Variants in ABCA13 observed in about 807,000 individuals in gnomAD.
ABCA13 encodes the protein ATP-binding cassette sub-family A member 13.
ABCA13 carries 476 observed loss-of-function variants against 478.7 expected under a neutral mutation model. The observed-to-expected ratio is 0.99, with a 90% confidence interval of 0.92 to 1.07. The LOEUF is 1.07. ABCA13 is among the 50% of genes least tolerant of loss of function. ABCA13 has a pLI of 0.00. For synonymous variants in ABCA13, 2,252 were observed against 2,158.9 expected (o/e 1.04, Z -1.20); for missense variants, 6,060 against 5,910.6 (o/e 1.03, Z -0.83).
At chr7:48,478,030 G>A (rs996357975) in intron 45 of ABCA13, among the ~76,000 whole-genome samples, 3 of 151,692 alleles carry the variant, frequency 2.0e-5, no homozygotes, top group African/African-American at 4.8e-5. Context: ...AGTATGGGGG[G>A]TGGTGAAGTG....
chr7:48,285,175 T>C (rs796795348), intron 19 of ABCA13, among the ~76,000 whole-genome samples: 3 of 152,040 alleles, frequency 2.0e-5, no homozygotes, highest in African/African-American at 7.2e-5. Flanking sequence ...GGTTTCAGAG[T>C]GAAGCAGTCA....
At chr7:48,453,191 A>G (rs1825252450) in intron 42 of ABCA13, among the ~76,000 whole-genome samples, 1 of 152,004 alleles carries the variant, frequency 6.6e-6, no homozygotes. Flanking sequence ...TCTTCTGGGA[A>G]GTTATAAAAA....
At chr7:48,344,521 T>C (rs1263103306) in intron 29 of ABCA13, among the ~76,000 whole-genome samples, 1 of 152,214 alleles carries the variant, frequency 6.6e-6, no homozygotes, top group African/African-American at 2.4e-5. Context: ...CCCACATTAG[T>C]GTAGAATTTT....
chr7:48,631,966 T>G (rs964494292), intron 59 of ABCA13, among the ~76,000 whole-genome samples: 3 of 152,176 alleles, frequency 2.0e-5, no homozygotes, highest in African/African-American at 7.2e-5. Flanking sequence ...GATTCTCAGC[T>G]TGGTTGTTGT....
chr7:48,626,821 G>A, intron 59 of ABCA13: 1 of 985,568 alleles, frequency 1.0e-6, no homozygotes, highest in Non-Finnish European at 1.2e-6. Context: ...GATTCTGGGT[G>A]TTGAGTATGT....
chr7:48,234,702 A>T (rs932247921), intron 8 of ABCA13, among the ~76,000 whole-genome samples: 12 of 152,046 alleles, frequency 7.9e-5, no homozygotes, highest in Non-Finnish European at 1.3e-4. Flanking sequence ...GTTCTGGGAG[A>T]TATCTTTTAG....
At position 48,467,026 on chromosome 7, in the gene ABCA13, G is replaced by A; in HGVS notation, c.12886G>A (p.Ala4296Thr). The stretch of plus-strand genomic sequence containing the variant: ...GTTTAGAGATCAAGATTTGCCCTGT[G>A]CAGATTTAAACCCACGCCAGTAAGT... Reference protein sequence around the residue: ...RKFRDQDLPCADLNPRQKNSS... With the variant: ...RKFRDQDLPCTDLNPRQKNSS... Residue 4296 changes from alanine to threonine, a missense_variant, in exon 44 of 62, where the codon GCA becomes ACA. Ala to Thr is a moderately conservative substitution (Grantham distance 58). Around this residue, in one of 3 missense-constraint regions of ABCA13, gnomAD observed 1,627 missense variants for 1,571.0 expected, o/e 1.04. Transcript: ENST00000435803. 1 of 1,613,974 alleles carries A rather than the reference G, an allele frequency of 6.2e-7. No individual in the cohort carries two copies. The highest frequency in any genetic ancestry group is 1.1e-5 in the South Asian group (1 of 91,088).
In ABCA13 at chr7:48,204,160, T is replaced by A. The variant is rs1197665379; in HGVS notation, c.287+5800T>A. 2.0e-5 allele frequency among the ~76,000 whole-genome samples: 3 copies of A among 150,896 alleles called. No individual in the cohort carries two copies. In the East Asian group the frequency reaches 5.8e-4, roughly 29 times the overall value. On this transcript the variant is annotated intron_variant, in intron 3 of 61. Transcript: ENST00000435803. ...GGAGTTTCTTTCTTGTTGCCCACGC[T>A]GGAGTGATATGATGAGATCTCGGCT...
intron 59 of ABCA13, among the ~76,000 whole-genome samples, chr7:48,640,081 T>G (rs1211715915): frequency 6.6e-6 from 1 of 152,228 alleles, no homozygotes; most frequent in Non-Finnish European, 1.5e-5. Context: ...ACATCATTAA[T>G]GTAATACTGA....
intron 38 of ABCA13, among the ~76,000 whole-genome samples, chr7:48,399,760 T>A (rs10282742): frequency 0.036 from 5,466 of 152,188 alleles, 179 homozygotes; most frequent in East Asian, 0.15. Flanking sequence ...CAACAGTGGA[T>A]GATATGCTCA....
intron 15 of ABCA13, among the ~76,000 whole-genome samples, chr7:48,267,640 A>C (rs1188730861): frequency 6.6e-6 from 1 of 152,178 alleles, no homozygotes; most frequent in East Asian, 1.9e-4. Flanking sequence ...CTTTTAAATA[A>C]ATTTATCATA....
chr7:48,473,023 T>C (rs1316536554), intron 45 of ABCA13, among the ~76,000 whole-genome samples: 2 of 152,182 alleles, frequency 1.3e-5, no homozygotes, highest in East Asian at 1.9e-4. Flanking sequence ...ACTTCTTACA[T>C]GGCAGCAGCA....
intron 26 of ABCA13, among the ~76,000 whole-genome samples, chr7:48,315,483 C>CTT (rs774939239): frequency 2.1e-5 from 3 of 143,570 alleles, no homozygotes; most frequent in Admixed American, 7.0e-5. Context: ...TAGTCATATT[C>CTT]TTTTTTTTTT....
Position 48,274,145 on chromosome 7 carries a change from A to G in ABCA13, c.4479A>G (p.Leu1493=). ...KPKFEILLAL[L]NDSTKQVRMS... The stretch of plus-strand genomic sequence containing the variant: ...AATTTGAGATTTTATTAGCTCTTTT[A>G]AATGATTCCACAAAGCAAGTAAGGA... The change falls in exon 17 of 62, where the codon TTA becomes TTG. Residue 1493 remains leucine (L), a synonymous_variant. Transcript: ENST00000435803. 1 of 1,609,194 alleles carries G rather than the reference A, an allele frequency of 6.2e-7. No homozygotes were observed. The highest frequency in any genetic ancestry group is 1.3e-5 in the African/African-American group (1 of 74,964).
rs141487462 is a variant in ABCA13, at chr7:48,247,873, A to G, written c.1660-366A>G. Among the ~76,000 whole-genome samples, 556 of 152,226 alleles carry G rather than the reference A, an allele frequency of 3.7e-3. 2 individuals are homozygous for G. The highest frequency in any genetic ancestry group is 0.012 in the African/African-American group (509 of 41,544). The stretch of plus-strand genomic sequence containing the variant: ...GCACAATTCACTTCAGCTGCATTCT[A>G]TGGGTTTACGTGAGCCAGATCTCAG... On this transcript the variant is annotated intron_variant, in intron 13 of 61. Transcript: ENST00000435803.
At chr7:48,214,491 A>G (rs1786145269) in intron 3 of ABCA13, among the ~76,000 whole-genome samples, 1 of 152,214 alleles carries the variant, frequency 6.6e-6, no homozygotes, top group Admixed American at 6.5e-5. Flanking sequence ...TGAAAGTCCT[A>G]GATAGCATCT....
At chr7:48,462,086 C>T (rs575077962) in intron 43 of ABCA13, among the ~76,000 whole-genome samples, 1 of 150,600 alleles carries the variant, frequency 6.6e-6, no homozygotes, top group Non-Finnish European at 1.5e-5. Context: ...TCTGAGATAA[C>T]AGGTGTTTTC....
chr7:48,502,828 G>T (rs17132417), intron 48 of ABCA13, among the ~76,000 whole-genome samples: 19,122 of 152,096 alleles, frequency 0.13, 1,478 homozygotes, highest in African/African-American at 0.19. Flanking sequence ...ACAGCACATG[G>T]CTACAGGCTA....
intron 20 of ABCA13, among the ~76,000 whole-genome samples, chr7:48,292,082 C>G (rs188933310): frequency 6.6e-6 from 1 of 152,280 alleles, no homozygotes; most frequent in African/African-American, 2.4e-5. Context: ...TACTTCCTGA[C>G]AACTTCCAAA....
Sources: gnomAD v4.1 joint callset for allele counts (sites outside exome capture counted in the v4.1 genomes callset) on GRCh38, gnomAD v4.1.1 for gene constraint, gnomAD v4.1.1 regional missense constraint, MANE v1.5 for transcripts, NCBI Gene and HGNC (gene_info 2026-07-23, HGNC 2026-07-21) for gene names.